OCA2: variants seen among roughly 807,000 people sequenced by gnomAD.
The protein encoded by OCA2 is OCA2 melanosomal transmembrane protein, also known as P protein.
A neutral mutation model predicts 100.2 loss-of-function variants in OCA2; 77 were observed. The observed-to-expected ratio is 0.77, with a 90% CI of 0.64 to 0.93. OCA2 has a LOEUF of 0.93. Ranked by LOEUF, OCA2 falls within the 40% of genes least tolerant of loss-of-function variation. OCA2 has a pLI of 0.00. For synonymous variants in OCA2, 432 were observed against 439.2 expected (o/e 0.98, Z 0.21); for missense variants, 1,062 against 1,089.1 (o/e 0.98, Z 0.35).
chr15:27,989,577 T>G, intron 11 of OCA2, 24 bp downstream of exon 11: 1 of 1,605,998 alleles, frequency 6.2e-7, no homozygotes, highest in Non-Finnish European at 8.5e-7. Flanking sequence ...TGGAGCCCAG[T>G]CCCACGGGGA....
At chr15:28,012,053 A>T in intron 9 of OCA2, among the ~76,000 whole-genome samples, 1 of 152,324 alleles carries the variant, frequency 6.6e-6, no homozygotes, top group South Asian at 2.1e-4. Flanking sequence ...AACAGTCTGT[A>T]TATCTATAAT....
At chr15:27,849,121 C>T (rs1260058169) in intron 22 of OCA2, among the ~76,000 whole-genome samples, 11 of 151,810 alleles carry the variant, frequency 7.2e-5, no homozygotes, top group African/African-American at 2.7e-4. Context: ...GATCTAAACA[C>T]AGCCACGTGC....
At chr15:27,952,157 A>G (rs1275221832) in intron 17 of OCA2, among the ~76,000 whole-genome samples, 2 of 152,228 alleles carry the variant, frequency 1.3e-5, no homozygotes, top group Admixed American at 1.3e-4. Context: ...GGCAGGTATC[A>G]GAGGATGACG....
Position 28,080,621 on chromosome 15 carries a change from A to G in OCA2, c.227+1027T>C, listed in dbSNP as rs927944311. 2.0e-5 allele frequency among the ~76,000 whole-genome samples: 3 copies of G among 152,360 alleles called. No individual in the cohort carries two copies. The East Asian group carries it at 5.8e-4, about 29-fold the overall frequency. On this transcript the variant is annotated intron_variant, in intron 2 of 23. Coordinates refer to ENST00000354638, the MANE Select transcript of OCA2 (RefSeq NM_000275.3). Reference sequence around the variant, plus strand: ...CCCCTGGAGCGGGCAGGATGACAGCAGCAGCATGCACCACACCCGCATGCA... The same window carrying G: ...CCCCTGGAGCGGGCAGGATGACAGCGGCAGCATGCACCACACCCGCATGCA...
intron 17 of OCA2, among the ~76,000 whole-genome samples, chr15:27,954,159 A>ACACACACACACACACACC (rs147024497): frequency 5.4e-5 from 3 of 55,114 alleles, no homozygotes; most frequent in African/African-American, 1.1e-4. Flanking sequence ...ACACACACAC[A>ACACACACACACACACACC]CCTAGGGTCA....
chr15:27,895,790 T>G, intron 19 of OCA2: 1 of 413,390 alleles, frequency 2.4e-6, no homozygotes, highest in East Asian at 5.2e-5. Context: ...TGAAACTGAG[T>G]ATTATGCTTG....
intron 19 of OCA2, among the ~76,000 whole-genome samples, chr15:27,879,719 T>C (rs2036936823): frequency 6.6e-6 from 1 of 152,174 alleles, no homozygotes; most frequent in Non-Finnish European, 1.5e-5. Context: ...TATTGTAAAT[T>C]TGTTTAAGTT....
At chr15:28,096,187 G>A (rs981902441) in intron 1 of OCA2, among the ~76,000 whole-genome samples, 1 of 151,192 alleles carries the variant, frequency 6.6e-6, no homozygotes, top group Non-Finnish European at 1.5e-5. Context: ...TCTCCAAGGC[G>A]TGGCCGTGTC....
intron 21 of OCA2, among the ~76,000 whole-genome samples, chr15:27,868,364 T>C (rs1273223413): frequency 6.6e-6 from 1 of 152,144 alleles, no homozygotes; most frequent in Non-Finnish European, 1.5e-5. Flanking sequence ...TGAATATATA[T>C]GCAATGAAAG....
chr15:27,954,136 CACACACACACACACACACACACA>C (rs1193943559), intron 17 of OCA2, among the ~76,000 whole-genome samples: 7 of 146,520 alleles, frequency 4.8e-5, no homozygotes, highest in African/African-American at 1.6e-4. Context: ...CACACACACA[CACACACACACACACACACACACA>C]CCTAGGGTCA....
intron 23 of OCA2, 88 bp downstream of exon 23, chr15:27,844,871 T>C: frequency 1.0e-6 from 1 of 964,448 alleles, no homozygotes; most frequent in South Asian, 1.4e-5. Context: ...AATATGCTTA[T>C]TTTAGCATTT....
intron 23 of OCA2, among the ~76,000 whole-genome samples, chr15:27,758,706 T>TG (rs1235496752): frequency 2.0e-5 from 3 of 152,024 alleles, no homozygotes; most frequent in African/African-American, 7.3e-5. Context: ...TCTAACGGAA[T>TG]GGGCACAATA....
intron 18 of OCA2, among the ~76,000 whole-genome samples, chr15:27,927,554 A>C (rs111450706): frequency 0.016 from 2,370 of 152,302 alleles, 64 homozygotes; most frequent in African/African-American, 0.054. Context: ...ATAGCTTAAT[A>C]CTATGCAATG....
rs115000841 is a variant in OCA2 at position 28,096,560 on chromosome 15, G to C, written c.-22+2664C>G. Among the ~76,000 whole-genome samples, 723 of 152,316 alleles carry C rather than the reference G, an allele frequency of 4.7e-3. 5 individuals are homozygous for C. Among genetic ancestry groups the C allele is most frequent in the African/African-American group, 0.016 (685 of 41,578 alleles). On this transcript the variant is annotated intron_variant, in intron 1 of 23. Coordinates refer to ENST00000354638, the MANE Select transcript of OCA2 (RefSeq NM_000275.3). ...CTCAGCCGGTCCTGGGCTGAGACAG[G>C]GGTGTCCCGCTGAGGGCAGTGTAGG... is the stretch of plus-strand genomic sequence containing the variant.
At chr15:27,949,255 C>T (rs765016129) in intron 18 of OCA2, among the ~76,000 whole-genome samples, 40 of 152,046 alleles carry the variant, frequency 2.6e-4, no homozygotes, top group Admixed American at 7.2e-4. Context: ...ACAGTGTGTG[C>T]GCTGTATTAG....
intron 23 of OCA2, among the ~76,000 whole-genome samples, chr15:27,810,228 G>A (rs1173142518): frequency 6.6e-6 from 1 of 152,132 alleles, no homozygotes; most frequent in African/African-American, 2.4e-5. Context: ...ATTGATCTTT[G>A]ACAAAGCAAA....
intron 18 of OCA2, among the ~76,000 whole-genome samples, chr15:27,932,870 AAAT>A (rs2039305352): frequency 6.6e-6 from 1 of 152,196 alleles, no homozygotes; most frequent in Admixed American, 6.5e-5. Context: ...CGATTATAAA[AAAT>A]AATAATAATA....
At chr15:27,955,599 C>A (rs1327595592) in intron 16 of OCA2, among the ~76,000 whole-genome samples, 4 of 152,158 alleles carry the variant, frequency 2.6e-5, no homozygotes, top group African/African-American at 9.7e-5. Context: ...AATGAGGGCA[C>A]TGAACCTATA....
chr15:27,894,217 A>G (rs11858639), intron 19 of OCA2, among the ~76,000 whole-genome samples: 2,371 of 152,322 alleles, frequency 0.016, 56 homozygotes, highest in African/African-American at 0.05. Context: ...AAATTCTACC[A>G]GGCCTTTGTC....
Sources: allele counts gnomAD v4.1 joint callset (sites outside exome capture counted in the v4.1 genomes callset), GRCh38; gene constraint gnomAD v4.1.1; transcripts MANE v1.5; gene names NCBI Gene and HGNC (gene_info 2026-07-23, HGNC 2026-07-21).